GRIA1: variants seen among roughly 807,000 people sequenced by gnomAD.
GRIA1 encodes the protein glutamate receptor 1.
A neutral mutation model predicts 99.2 loss-of-function variants in GRIA1; 31 were observed. That is an observed-to-expected ratio of 0.31 (90% CI 0.23 to 0.42). GRIA1 has a LOEUF of 0.42. Ranked by LOEUF, GRIA1 falls within the 10% of genes least tolerant of loss-of-function variation. The probability of loss-of-function intolerance (pLI) is 1.00; values close to 1 mark genes in which losing one functional copy is unlikely to be tolerated. For synonymous variants in GRIA1, 438 were observed against 432.4 expected, an observed-to-expected ratio of 1.01 and a Z score of -0.16; for missense variants, 782 against 1,157.5, an observed-to-expected ratio of 0.68 and a Z score of 4.71.
At chr5:153,793,264 G>C (rs879367081) in intron 13 of GRIA1, among the ~76,000 whole-genome samples, 3 of 152,222 alleles carry the variant, frequency 2.0e-5, no homozygotes, top group Non-Finnish European at 4.4e-5. Context: ...ATTCATAATA[G>C]TAAAAGGGTC....
At chr5:153,721,525 C>T (rs1760068082) in intron 11 of GRIA1, among the ~76,000 whole-genome samples, 1 of 152,176 alleles carries the variant, frequency 6.6e-6, no homozygotes, top group Non-Finnish European at 1.5e-5. Flanking sequence ...TCACACTTCT[C>T]CCATGACAGG....
chr5:153,524,958 C>T (rs933474436), intron 2 of GRIA1, among the ~76,000 whole-genome samples: 2 of 152,178 alleles, frequency 1.3e-5, no homozygotes, highest in African/African-American at 4.8e-5. Flanking sequence ...GCAGAACTGT[C>T]TTTGTATAAA....
chr5:153,576,559 C>T (rs1762544884), intron 2 of GRIA1, among the ~76,000 whole-genome samples: 1 of 152,138 alleles, frequency 6.6e-6, no homozygotes, highest in African/African-American at 2.4e-5. Flanking sequence ...GAGGAGTGGG[C>T]CTACTTGTTG....
rs141173499 is a variant in GRIA1 at position 153,703,566 on chromosome 5, G to A, written c.1453-2131G>A. 8.2e-4 allele frequency among the ~76,000 whole-genome samples: 125 copies of A among 152,046 alleles called. 1 individual carries two copies. Among genetic ancestry groups the A allele is most frequent in the African/African-American group, 2.8e-3 (117 of 41,492 alleles). Reference sequence around the variant, plus strand: ...TTGAGACCAGCTTGGCCAACATGGCGAAACCTCTACTAAAAATACAAAAAT... The same window carrying A: ...TTGAGACCAGCTTGGCCAACATGGCAAAACCTCTACTAAAAATACAAAAAT... On this transcript the variant is annotated intron_variant, in intron 10 of 15. Coordinates refer to ENST00000285900, the MANE Select transcript of GRIA1 (RefSeq NM_000827.4).
At chr5:153,598,561 C>T (rs1381254139) in intron 2 of GRIA1, among the ~76,000 whole-genome samples, 1 of 152,158 alleles carries the variant, frequency 6.6e-6, no homozygotes, top group East Asian at 1.9e-4. Context: ...GGGAAGGACT[C>T]AGATCCTAAG....
intron 5 of GRIA1, among the ~76,000 whole-genome samples, chr5:153,667,230 A>C (rs17114991): frequency 0.062 from 9,497 of 152,220 alleles, 311 homozygotes; most frequent in Middle Eastern, 0.13. Context: ...GGATTTGTTT[A>C]ATAAACCTTA....
intron 11 of GRIA1, among the ~76,000 whole-genome samples, chr5:153,745,589 CAAAAAAAA>C (rs58166158): frequency 5.0e-5 from 5 of 100,886 alleles, no homozygotes; most frequent in East Asian, 2.8e-4. Flanking sequence ...AACTCTGTCT[CAAAAAAAA>C]AAAAAAAAAA....
intron 2 of GRIA1, among the ~76,000 whole-genome samples, chr5:153,579,423 G>C (rs922102117): frequency 3.9e-5 from 6 of 152,182 alleles, no homozygotes; most frequent in Admixed American, 2.6e-4. Flanking sequence ...AATATGATGA[G>C]TGAGGCTGAG....
chr5:153,800,814 C>T (rs1765964471), intron 14 of GRIA1, among the ~76,000 whole-genome samples: 1 of 152,184 alleles, frequency 6.6e-6, no homozygotes, highest in Admixed American at 6.5e-5. Context: ...TTCCATATGC[C>T]CCGATTCTAA....
chr5:153,536,562 C>T (rs910105185), intron 2 of GRIA1, among the ~76,000 whole-genome samples: 2 of 152,188 alleles, frequency 1.3e-5, no homozygotes, highest in African/African-American at 4.8e-5. Flanking sequence ...CAGTACATTT[C>T]ACATAAGAGA....
chr5:153,576,990 G>C (rs1000939985), intron 2 of GRIA1, among the ~76,000 whole-genome samples: 6 of 115,824 alleles, frequency 5.2e-5, no homozygotes, highest in Non-Finnish European at 1.1e-4. Context: ...GGATGGGTGA[G>C]TGGATGAATG....
At chr5:153,636,164 C>A (rs918521491) in intron 2 of GRIA1, among the ~76,000 whole-genome samples, 1 of 152,152 alleles carries the variant, frequency 6.6e-6, no homozygotes. Flanking sequence ...TGGGCTCAGA[C>A]GTGTGTCCAT....
intron 14 of GRIA1, among the ~76,000 whole-genome samples, chr5:153,797,147 C>T (rs897476920): frequency 1.3e-5 from 2 of 152,186 alleles, no homozygotes; most frequent in African/African-American, 4.8e-5. Flanking sequence ...CCATTACCCC[C>T]ACGCCCTAGA....
At position 153,667,457 on chromosome 5, in the gene GRIA1, C is replaced by T. The variant is rs75036785; in HGVS notation, c.700-7043C>T. Among the ~76,000 whole-genome samples the T allele has an allele frequency of 4.3e-3, 650 of 152,326 alleles. 7 individuals carry two copies. Among genetic ancestry groups the T allele is most frequent in the African/African-American group, 0.014 (586 of 41,580 alleles). The stretch of plus-strand genomic sequence containing the variant: ...ATGTTCTCTCAGGCTTCTTGCCTGA[C>T]CCAGTCCCTGTATTTGAAGCAGTTC... On this transcript the variant is annotated intron_variant, in intron 5 of 15. Coordinates refer to ENST00000285900, the MANE Select transcript of GRIA1 (RefSeq NM_000827.4).
chr5:153,603,713 T>A (rs1765207152), intron 2 of GRIA1, among the ~76,000 whole-genome samples: 1 of 152,138 alleles, frequency 6.6e-6, no homozygotes, highest in African/African-American at 2.4e-5. Flanking sequence ...TGTGGTGTCA[T>A]GGTTAGTAAA....
At chr5:153,517,479 G>A (rs1756736770) in intron 2 of GRIA1, among the ~76,000 whole-genome samples, 1 of 152,176 alleles carries the variant, frequency 6.6e-6, no homozygotes, top group Admixed American at 6.5e-5. Flanking sequence ...AGTCCCCTGG[G>A]CCCTCAGAAA....
intron 11 of GRIA1, among the ~76,000 whole-genome samples, chr5:153,744,106 C>T (rs536777035): frequency 5.9e-5 from 9 of 152,162 alleles, no homozygotes; most frequent in East Asian, 3.9e-4. Context: ...GGCCCAGAGC[C>T]GGCTGTGTCT....
chr5:153,802,204 A>G, intron 14 of GRIA1, 152 bp from the exon 15 acceptor site: 1 of 638,758 alleles, frequency 1.6e-6, no homozygotes, highest in Non-Finnish European at 2.8e-6. Flanking sequence ...CACTTGGTCA[A>G]TGAATAAATA....
At chr5:153,531,486 C>A (rs1022553122) in intron 2 of GRIA1, among the ~76,000 whole-genome samples, 5 of 152,312 alleles carry the variant, frequency 3.3e-5, no homozygotes, top group Non-Finnish European at 2.9e-5. Context: ...TTACACAGTT[C>A]TTGACACATA....
Sources: gnomAD v4.1 joint callset for allele counts (sites outside exome capture counted in the v4.1 genomes callset) on GRCh38, gnomAD v4.1.1 for gene constraint, MANE v1.5 for transcripts, NCBI Gene and HGNC (gene_info 2026-07-23, HGNC 2026-07-21) for gene names.